Variants in DOCK4 observed in about 807,000 individuals in gnomAD.
DOCK4 encodes the protein dedicator of cytokinesis 4, also known as dedicator of cytokinesis protein 4.
DOCK4 carries 97 observed loss-of-function variants against 268.1 expected under a neutral mutation model. The ratio of observed to expected loss-of-function variants is 0.36; its 90% CI spans 0.31 to 0.43. DOCK4 has a LOEUF of 0.43. Among genes scored for constraint, DOCK4 ranks in the 20% least tolerant of loss-of-function variants. The pLI, the probability that DOCK4 is intolerant of heterozygous loss-of-function variation, is 1.00. For missense variants in DOCK4, 2,145 were observed against 2,455.7 expected, an observed-to-expected ratio of 0.87 and a Z score of 2.67; for synonymous variants, 954 against 887.2, an observed-to-expected ratio of 1.08 and a Z score of -1.34.
At chr7:112,045,426 T>A (rs2135527075) in intron 1 of DOCK4, among the ~76,000 whole-genome samples, 1 of 152,294 alleles carries the variant, frequency 6.6e-6, no homozygotes, top group African/African-American at 2.4e-5. Flanking sequence ...TTTCTCCTCA[T>A]TAAAATGTTA....
At position 111,918,316 on chromosome 7, in the gene DOCK4, G is replaced by A. The variant is rs183502767; in HGVS notation, c.1067-2412C>T. Among the ~76,000 whole-genome samples the A allele has an allele frequency of 2.0e-4, 31 of 152,204 alleles. 1 individual carries two copies. Among genetic ancestry groups the A allele is most frequent in the Admixed American group, 5.2e-4 (8 of 15,280 alleles). ...CACATCCTCAGAACTTCAAATCTGC[G>A]TCCTAGTTTAACCTAACTACCCCTT... On this transcript the variant is annotated intron_variant, in intron 12 of 52. Coordinates refer to ENST00000428084, the MANE Select transcript of DOCK4 (RefSeq NM_001363540.2).
intron 8 of DOCK4, among the ~76,000 whole-genome samples, chr7:111,964,893 C>T (rs1433213294): frequency 1.6e-5 from 2 of 123,972 alleles, no homozygotes; most frequent in Non-Finnish European, 3.2e-5. Context: ...AGAGTGGGGG[C>T]CAATATTCAA....
intron 32 of DOCK4, 199 bp downstream of exon 32, chr7:111,788,463 A>T (rs776441160): frequency 2.8e-5 from 16 of 574,582 alleles, no homozygotes; most frequent in Non-Finnish European, 4.7e-5. Flanking sequence ...AAACAGGAAG[A>T]CATGCCTAAT....
chr7:111,826,567 A>G (rs1225042940), intron 26 of DOCK4, among the ~76,000 whole-genome samples: 1 of 152,216 alleles, frequency 6.6e-6, no homozygotes. Flanking sequence ...AAAGAACAAA[A>G]TCATGTCCTT....
intron 1 of DOCK4, among the ~76,000 whole-genome samples, chr7:112,057,885 A>G (rs1339253632): frequency 6.6e-6 from 1 of 151,928 alleles, no homozygotes; most frequent in Non-Finnish European, 1.5e-5. Context: ...AAAAAATTAA[A>G]TGATAGTTTA....
At chr7:111,749,000 C>T (rs897057569) in intron 42 of DOCK4, among the ~76,000 whole-genome samples, 2 of 151,970 alleles carry the variant, frequency 1.3e-5, no homozygotes, top group Admixed American at 1.3e-4. Flanking sequence ...ACGTTCAAAA[C>T]CAGGTAAAAC....
intron 1 of DOCK4, among the ~76,000 whole-genome samples, chr7:112,117,176 T>G (rs1812250136): frequency 6.6e-6 from 1 of 152,058 alleles, no homozygotes; most frequent in Non-Finnish European, 1.5e-5. Context: ...TTCCTGGGAG[T>G]CCCATAGCTT....
intron 13 of DOCK4, among the ~76,000 whole-genome samples, chr7:111,902,459 G>A (rs907512581): frequency 1.3e-5 from 2 of 151,854 alleles, no homozygotes; most frequent in Admixed American, 6.6e-5. Flanking sequence ...TTTCTCTACT[G>A]GTGATTTATA....
chr7:111,822,536 G>T, intron 26 of DOCK4, 80 bp from the exon 27 acceptor site: 1 of 1,181,952 alleles, frequency 8.5e-7, no homozygotes, highest in Non-Finnish European at 1.2e-6. Flanking sequence ...AGGCAGTACT[G>T]TTGTACTGTT....
intron 36 of DOCK4, among the ~76,000 whole-genome samples, chr7:111,774,559 C>T (rs1798331319): frequency 6.6e-6 from 1 of 151,806 alleles, no homozygotes; most frequent in Admixed American, 6.6e-5. Context: ...GATTGTGGGG[C>T]ATGGAGATGG....
intron 8 of DOCK4, among the ~76,000 whole-genome samples, chr7:111,970,068 C>T (rs1797585536): frequency 6.6e-6 from 1 of 152,182 alleles, no homozygotes. Flanking sequence ...ATTACTGGAT[C>T]TTTCCTGTCA....
At chr7:111,905,021 CAAG>C (rs1443401898) in intron 13 of DOCK4, among the ~76,000 whole-genome samples, 2 of 152,166 alleles carry the variant, frequency 1.3e-5, no homozygotes, top group South Asian at 2.1e-4. Context: ...GAATACATGA[CAAG>C]AAGAACACTT....
At position 112,159,128 on chromosome 7, in the gene DOCK4, G is replaced by A. The variant is rs142792658; in HGVS notation, c.37+46974C>T. Reference sequence around the variant, plus strand: ...CCTACCAGTACATCACTGCAAATACGCCCTCCTAGAAATATGTTATTGTCT... The same window carrying A: ...CCTACCAGTACATCACTGCAAATACACCCTCCTAGAAATATGTTATTGTCT... On this transcript the variant is annotated intron_variant, in intron 1 of 52. Coordinates refer to ENST00000428084, the MANE Select transcript of DOCK4 (RefSeq NM_001363540.2). 1.5e-3 allele frequency among the ~76,000 whole-genome samples: 221 copies of A among 152,036 alleles called. 2 individuals carry two copies. The East Asian group carries it at 0.032, about 22-fold the overall frequency.
intron 15 of DOCK4, among the ~76,000 whole-genome samples, chr7:111,898,794 G>GA (rs570768572): frequency 6.6e-6 from 1 of 152,086 alleles, no homozygotes; most frequent in Non-Finnish European, 1.5e-5. Context: ...AAGATTAAAA[G>GA]AAAAAACCTA....
rs951875145 is a variant in DOCK4, at chr7:111,998,391, A to G, written c.218+57T>C. On this transcript the variant is annotated intron_variant, in intron 4 of 52. Transcript: ENST00000428084. The stretch of plus-strand genomic sequence containing the variant: ...ACAATTACTATGCCTTTCAAATTCC[A>G]AAAGAAGCAAAGGCTCTGTGAAAAT... 2.9e-6 allele frequency: 4 copies of G among 1,367,136 alleles called. No homozygotes were observed. In the African/African-American group the frequency reaches 5.9e-5, roughly 20 times the overall value. 84.7% of individuals were successfully genotyped at this position (1,367,136 alleles called of 1,614,324 possible).
chr7:111,872,431 T>G, intron 18 of DOCK4, 36 bp downstream of exon 18: 1 of 1,540,990 alleles, frequency 6.5e-7, no homozygotes, highest in Non-Finnish European at 8.8e-7. Context: ...ATTCTATGAA[T>G]CTCTGCAAGG....
chr7:111,855,875 C>T (rs1487131248), intron 23 of DOCK4, among the ~76,000 whole-genome samples: 1 of 152,150 alleles, frequency 6.6e-6, no homozygotes, highest in Non-Finnish European at 1.5e-5. Flanking sequence ...TGGAGTCTGT[C>T]CATAATAAAT....
At chr7:111,857,134 G>A (rs1370469064) in intron 23 of DOCK4, among the ~76,000 whole-genome samples, 1 of 152,080 alleles carries the variant, frequency 6.6e-6, no homozygotes, top group East Asian at 1.9e-4. Context: ...AAGCTACTAG[G>A]CACTCATCAA....
intron 30 of DOCK4, among the ~76,000 whole-genome samples, chr7:111,791,446 CTGTTTTTTT>C (rs942940280): frequency 1.3e-5 from 2 of 150,950 alleles, no homozygotes; most frequent in African/African-American, 4.9e-5. Flanking sequence ...TCTCGAGTGT[CTGTTTTTTT>C]TGTTTTTTTT....
Sources: gnomAD v4.1 joint callset for allele counts (sites outside exome capture counted in the v4.1 genomes callset) on GRCh38, gnomAD v4.1.1 for gene constraint, MANE v1.5 for transcripts, NCBI Gene and HGNC (gene_info 2026-07-23, HGNC 2026-07-21) for gene names.